Variants in TOP2B observed in about 807,000 individuals in gnomAD.
The protein encoded by TOP2B is DNA topoisomerase 2-beta.
Under a neutral mutation model 193.5 loss-of-function variants are expected in TOP2B, and 51 were observed. The observed-to-expected ratio is 0.26, with a 90% CI of 0.21 to 0.33. The LOEUF (loss-of-function observed/expected upper bound fraction) is 0.33. Among genes scored for constraint, TOP2B ranks in the 10% least tolerant of loss-of-function variants. The probability of loss-of-function intolerance (pLI) is 1.00; values close to 1 mark genes in which losing one functional copy is unlikely to be tolerated. For missense variants in TOP2B, 1,378 were observed against 1,909.3 expected (o/e 0.72, Z 5.19); for synonymous variants, 634 against 635.7 (o/e 1.00, Z 0.04).
chr3:25,646,832 T>G (rs1296065448), intron 1 of TOP2B, among the ~76,000 whole-genome samples: 1 of 152,176 alleles, frequency 6.6e-6, no homozygotes, highest in African/African-American at 2.4e-5. Context: ...AGATAAGAAT[T>G]TAATATATCC....
Position 25,664,806 on chromosome 3 carries a change from C to T in TOP2B, c.-509G>A. The stretch of plus-strand genomic sequence containing the variant: ...AAGGCAGCCTTAGCCTCGCTGCAGC[C>T]CCGATTTCCTCACACACACACACCG... On this transcript the variant is annotated 5_prime_UTR_variant, in exon 1 of 36. Coordinates refer to ENST00000264331, the MANE Select transcript of TOP2B (RefSeq NM_001330700.2). The T allele has an allele frequency of 1.0e-6, 1 of 987,360 alleles. No individual in the cohort carries two copies. Among genetic ancestry groups the T allele is most frequent in the Non-Finnish European group, 1.2e-6 (1 of 829,342 alleles). 61.2% of individuals were successfully genotyped at this position (987,360 alleles called of 1,614,324 possible). A position where few individuals can be genotyped will look rare whatever the true frequency, so the allele number is the denominator to read the frequency against.
chr3:25,630,769 A>G, intron 11 of TOP2B, 32 bp downstream of exon 11: 1 of 1,489,900 alleles, frequency 6.7e-7, no homozygotes, highest in Non-Finnish European at 8.9e-7. Context: ...TGAAACTTAA[A>G]TCAAAATCTT....
At chr3:25,618,149 A>C in intron 25 of TOP2B, 1 of 359,496 alleles carries the variant, frequency 2.8e-6, no homozygotes, top group Non-Finnish European at 5.1e-6. Flanking sequence ...TCAGGAAAAA[A>C]GGTCAAGGAG....
Position 25,664,518 on chromosome 3 carries a change from C to T in TOP2B, c.-221G>A, listed in dbSNP as rs1324286900. 4.3e-6 allele frequency: 5 copies of T among 1,163,214 alleles called. No homozygotes were observed. Among genetic ancestry groups the T allele is most frequent in the Admixed American group, 4.7e-5 (1 of 21,180 alleles). The allele number at this position is 1,163,214 out of a possible 1,614,324, so 72.1% of individuals were successfully genotyped here. Reference sequence around the variant, plus strand: ...CCTCAAACTCGAGGCGCGGCGTCCGCGTCGCCCGGGCCTAGCGCGGCGGCT... The same window carrying T: ...CCTCAAACTCGAGGCGCGGCGTCCGTGTCGCCCGGGCCTAGCGCGGCGGCT... On this transcript the variant is annotated 5_prime_UTR_variant, in exon 1 of 36. Coordinates refer to ENST00000264331, the MANE Select transcript of TOP2B (RefSeq NM_001330700.2).
At chr3:25,625,532 T>TTTGTTTG (rs1702772170) in intron 18 of TOP2B, among the ~76,000 whole-genome samples, 1 of 151,552 alleles carries the variant, frequency 6.6e-6, no homozygotes. Context: ...TCATGAGGTT[T>TTTGTTTG]TTTGTTTGTT....
At chr3:25,612,187 C>T (rs1443326368) in intron 28 of TOP2B, among the ~76,000 whole-genome samples, 1 of 152,088 alleles carries the variant, frequency 6.6e-6, no homozygotes, top group Admixed American at 6.5e-5. Flanking sequence ...CATGATCCGC[C>T]CGCCTCAGCC....
chr3:25,631,900 A>G (rs1466242646), intron 10 of TOP2B, among the ~76,000 whole-genome samples: 1 of 152,080 alleles, frequency 6.6e-6, no homozygotes, highest in Non-Finnish European at 1.5e-5. Flanking sequence ...GGGCAGTTAT[A>G]GAGCATTTCC....
At chr3:25,645,762 T>C (rs1703396746) in intron 1 of TOP2B, among the ~76,000 whole-genome samples, 1 of 151,924 alleles carries the variant, frequency 6.6e-6, no homozygotes, top group Non-Finnish European at 1.5e-5. Flanking sequence ...CAAGTTTGTT[T>C]GTTTGTTTTG....
In TOP2B at chr3:25,626,614, A is replaced by G; in HGVS notation, c.2170T>C (p.Leu724=). ...TTGTCTGAGTTTGAGAAGAGAATCAATTCCTTGTTGATGAAATCATTATAA... is the reference window on the plus strand; with the variant it reads ...TTGTCTGAGTTTGAGAAGAGAATCAGTTCCTTGTTGATGAAATCATTATAA... The part of the protein sequence containing the change: ...LTYNDFINKE[L]ILFSNSDNER... Residue 724 remains leucine, a synonymous_variant, in exon 18 of 36, where the codon TTG becomes CTG. Coordinates refer to ENST00000264331, the MANE Select transcript of TOP2B (RefSeq NM_001330700.2). 6.5e-7 allele frequency: 1 copy of G among 1,540,228 alleles called. No homozygotes were observed.
At chr3:25,624,512 T>A in intron 19 of TOP2B, 67 bp from the exon 20 acceptor site, 1 of 1,563,176 alleles carries the variant, frequency 6.4e-7, no homozygotes, top group East Asian at 2.3e-5. Flanking sequence ...CTCCCCAACT[T>A]GAATTAAAAT....
chr3:25,638,737 A>T (rs1383660813), intron 4 of TOP2B, among the ~76,000 whole-genome samples: 1 of 152,126 alleles, frequency 6.6e-6, no homozygotes, highest in East Asian at 1.9e-4. Context: ...GGCATCCTTA[A>T]CATTCTCTAA....
chr3:25,634,791 A>AACC (rs1553642260), intron 7 of TOP2B, among the ~76,000 whole-genome samples: 2 of 138,432 alleles, frequency 1.4e-5, no homozygotes, highest in African/African-American at 5.5e-5. Flanking sequence ...AAAAAAAAAA[A>AACC]AAAAAACCAA....
Position 25,638,315 on chromosome 3 carries a change from A to G in TOP2B, c.396-5T>C, listed in dbSNP as rs568934329. On this transcript the variant is annotated splice_region_variant and splice_polypyrimidine_tract_variant and intron_variant, in intron 4 of 35. Transcript: ENST00000264331. The stretch of plus-strand genomic sequence containing the variant: ...ATGCTTATAATGTTAGATTCACTGT[A>G]AAAAAAAAAAAAAAAAAAAAAAAAA... 15 of 227,558 alleles carry G rather than the reference A, an allele frequency of 6.6e-5. No homozygotes were observed. Among genetic ancestry groups the G allele is most frequent in the African/African-American group, 3.6e-4 (5 of 13,718 alleles). 14.1% of individuals were successfully genotyped at this position (227,558 alleles called of 1,614,324 possible). A position where few individuals can be genotyped will look rare whatever the true frequency, so the allele number is the denominator to read the frequency against.
intron 31 of TOP2B, among the ~76,000 whole-genome samples, chr3:25,606,733 G>C (rs1218677602): frequency 1.3e-5 from 2 of 152,124 alleles, no homozygotes; most frequent in Non-Finnish European, 2.9e-5. Context: ...GCCAAATTTA[G>C]GGAAGAAACA....
rs113942766 is a variant in TOP2B at position 25,600,346 on chromosome 3, T to C, written c.4615+754A>G. Among the ~76,000 whole-genome samples the C allele has an allele frequency of 2.3e-3, 352 of 152,330 alleles. 3 individuals carry two copies. The highest frequency in any genetic ancestry group is 3.9e-3 in the Non-Finnish European group (267 of 68,028). On this transcript the variant is annotated intron_variant, in intron 34 of 35. Coordinates refer to ENST00000264331, the MANE Select transcript of TOP2B (RefSeq NM_001330700.2). ...ACTTAAATAATCTTGGGATGTCATA[T>C]TTGATCAAATGAATCAGGGAAATAG...
intron 25 of TOP2B, 24 bp from the exon 26 acceptor site, chr3:25,615,610 A>G: frequency 6.7e-7 from 1 of 1,498,464 alleles, no homozygotes; most frequent in Non-Finnish European, 8.9e-7. Context: ...CAAACTGTAT[A>G]TTAAAGTCTT....
intron 19 of TOP2B, 87 bp from the exon 20 acceptor site, chr3:25,624,532 G>T (rs1399503039): frequency 1.6e-5 from 25 of 1,547,992 alleles, no homozygotes; most frequent in Non-Finnish European, 2.2e-5. Context: ...TCCAAGTGAA[G>T]AATAAAGGCT....
intron 8 of TOP2B, among the ~76,000 whole-genome samples, chr3:25,633,602 A>C (rs142479716): frequency 8.3e-4 from 126 of 152,302 alleles, no homozygotes; most frequent in African/African-American, 2.7e-3. Context: ...AATTTCATAA[A>C]ATATAAATAT....
In TOP2B at chr3:25,598,420, A is replaced by AGTC. The variant is rs778250229; in HGVS notation, c.4765_4767dup (p.Asp1589dup). 6.2e-7 allele frequency: 1 copy of AGTC among 1,613,522 alleles called. No individual in the cohort carries two copies. Among genetic ancestry groups the AGTC allele is most frequent in the Non-Finnish European group, 8.5e-7 (1 of 1,179,602 alleles). ...GGCAGAGAAGGTGGCTCAGTAGGGA[A>AGTC]GTCTGAGGGGAAGATGTCCACATCT... On this transcript the variant is annotated inframe_insertion, in exon 36 of 36. Coordinates refer to ENST00000264331, the MANE Select transcript of TOP2B (RefSeq NM_001330700.2).
Sources: gnomAD v4.1 joint callset for allele counts (sites outside exome capture counted in the v4.1 genomes callset) on GRCh38, gnomAD v4.1.1 for gene constraint, MANE v1.5 for transcripts, NCBI Gene and HGNC (gene_info 2026-07-23, HGNC 2026-07-21) for gene names.